The following TSGA10 variants were observed in gnomAD, a reference collection of about 807,000 sequenced individuals.
TSGA10 encodes testis specific 10.
TSGA10 carries 43 observed loss-of-function variants against 96.6 expected under a neutral mutation model. The ratio of observed to expected loss-of-function variants is 0.44; its 90% CI spans 0.35 to 0.57. The LOEUF (loss-of-function observed/expected upper bound fraction) is 0.57. Among genes scored for constraint, TSGA10 ranks in the 20% least tolerant of loss-of-function variants. The pLI, the probability that TSGA10 is intolerant of heterozygous loss-of-function variation, is 0.01. For synonymous variants in TSGA10, 229 were observed against 269.9 expected (o/e 0.85, Z 1.48); for missense variants, 703 against 834.4 (o/e 0.84, Z 1.94).
chr2:99,073,422 G>T (rs1349821848), intron 12 of TSGA10, among the ~76,000 whole-genome samples: 1 of 152,076 alleles, frequency 6.6e-6, no homozygotes, highest in Non-Finnish European at 1.5e-5. Context: ...TTGGAGTATT[G>T]GCATTTTATA....
intron 15 of TSGA10, among the ~76,000 whole-genome samples, chr2:99,066,018 A>C (rs2085228649): frequency 6.6e-6 from 1 of 152,172 alleles, no homozygotes; most frequent in Non-Finnish European, 1.5e-5. Context: ...AATTTTGGTA[A>C]TTTTTTAAAA....
chr2:99,058,764 A>G (rs10200974), intron 16 of TSGA10, among the ~76,000 whole-genome samples: 65,910 of 151,870 alleles, frequency 0.43, 16,971 homozygotes, highest in African/African-American at 0.72. Flanking sequence ...CTGGCTGGGC[A>G]TGGTGGCTCA....
chr2:99,105,758 T>G, intron 7 of TSGA10, 61 bp from the exon 8 acceptor site: 4 of 1,434,886 alleles, frequency 2.8e-6, no homozygotes, highest in Non-Finnish European at 2.8e-6. Context: ...CATAAAAAAT[T>G]TTATGTATCT....
chr2:99,053,158 T>C (rs1370804418), intron 16 of TSGA10, among the ~76,000 whole-genome samples: 1 of 152,000 alleles, frequency 6.6e-6, no homozygotes, highest in African/African-American at 2.4e-5. Context: ...GCTTCATGGG[T>C]GAATTCTACT....
rs192337982 is a variant in TSGA10 at position 99,017,375 on chromosome 2, A to G, written c.2072+825T>C. ...CATAGCAACCTGGATGGAGTTGGAG[A>G]CCATTATTCTAAGGGAAGTAACTCA... On this transcript the variant is annotated intron_variant, in intron 20 of 20. Coordinates refer to ENST00000393483, the MANE Select transcript of TSGA10 (RefSeq NM_025244.4). Among the ~76,000 whole-genome samples the G allele has an allele frequency of 1.7e-3, 266 of 152,296 alleles. 3 individuals are homozygous for G. The highest frequency in any genetic ancestry group is 0.011 in the Admixed American group (161 of 15,292).
chr2:99,130,159 G>T (rs758441582), intron 1 of TSGA10, among the ~76,000 whole-genome samples: 23 of 152,312 alleles, frequency 1.5e-4, no homozygotes, highest in Non-Finnish European at 2.9e-4. Flanking sequence ...TAATGGGATT[G>T]CTGTGTCAAA....
intron 1 of TSGA10, among the ~76,000 whole-genome samples, chr2:99,137,001 CTT>C (rs11430590): frequency 1.1e-4 from 14 of 129,246 alleles, no homozygotes; most frequent in Admixed American, 2.5e-4. Flanking sequence ...AACAGACTTC[CTT>C]TTTTTTTTTT....
chr2:99,007,091 A>G (rs1573390634), intron 20 of TSGA10, among the ~76,000 whole-genome samples: 1 of 151,390 alleles, frequency 6.6e-6, no homozygotes, highest in South Asian at 2.1e-4. Context: ...GAATTGAACA[A>G]TGAGAACATT....
intron 10 of TSGA10, chr2:99,102,817 G>C: frequency 7.8e-7 from 1 of 1,283,186 alleles, no homozygotes; most frequent in Non-Finnish European, 1.1e-6. Context: ...ACCCAGAACT[G>C]TAAATATAAA....
chr2:99,030,653 CA>C (rs2105040980), intron 17 of TSGA10, among the ~76,000 whole-genome samples: 1 of 152,074 alleles, frequency 6.6e-6, no homozygotes, highest in Non-Finnish European at 1.5e-5. Context: ...TCTCTAAAAC[CA>C]AACCAAAAGA....
intron 16 of TSGA10, 34 bp downstream of exon 16, chr2:99,064,905 A>G (rs764274053): frequency 6.6e-7 from 1 of 1,516,174 alleles, no homozygotes; most frequent in South Asian, 1.3e-5. Context: ...AATATGATGC[A>G]GGATGTATTA....
intron 1 of TSGA10, among the ~76,000 whole-genome samples, chr2:99,140,642 C>T (rs1357238157): frequency 5.3e-5 from 8 of 152,118 alleles, no homozygotes; most frequent in Admixed American, 1.3e-4. Context: ...CTGAGATTTT[C>T]ATGCAAATGC....
chr2:99,059,412 A>C (rs1412241733), intron 16 of TSGA10, among the ~76,000 whole-genome samples: 1 of 151,820 alleles, frequency 6.6e-6, no homozygotes, highest in Admixed American at 6.6e-5. Context: ...ACGTGGGCAG[A>C]TCACCTGAGG....
Position 99,109,091 on chromosome 2 carries a change from C to T in TSGA10, c.52-100G>A. 1.1e-5 allele frequency: 10 copies of T among 927,836 alleles called. No homozygotes were observed. The South Asian group carries it at 1.9e-4, about 18-fold the overall frequency. 57.5% of individuals were successfully genotyped at this position (927,836 alleles called of 1,614,324 possible). A position where few individuals can be genotyped will look rare whatever the true frequency, so the allele number is the denominator to read the frequency against. On this transcript the variant is annotated intron_variant, in intron 6 of 20. Coordinates refer to ENST00000393483, the MANE Select transcript of TSGA10 (RefSeq NM_025244.4). ...CCAATTTCTATTTAAGAAAATAAGA[C>T]TATATAATGAAAGGAAATTATAAAA... is the stretch of plus-strand genomic sequence containing the variant.
In TSGA10 at chr2:99,141,072, G is replaced by A. The variant is rs778183470; in HGVS notation, c.-621+13621C>T. The A allele has an allele frequency of 3.5e-5, 45 of 1,281,058 alleles. No homozygotes were observed. In the African/African-American group the frequency reaches 5.8e-4, roughly 17 times the overall value. The allele number at this position is 1,281,058 out of a possible 1,614,324, so 79.4% of individuals were successfully genotyped here. A position where few individuals can be genotyped will look rare whatever the true frequency, so the allele number is the denominator to read the frequency against. On this transcript the variant is annotated intron_variant, in intron 1 of 20. Transcript: ENST00000393483. Reference sequence around the variant, plus strand: ...CACTCTCCCCACCCCGCGCACCTCCGCAGCTTCTACCTGGAGCTCCGGGTC... The same window carrying A: ...CACTCTCCCCACCCCGCGCACCTCCACAGCTTCTACCTGGAGCTCCGGGTC...
chr2:99,134,979 G>A (rs931667678), intron 1 of TSGA10, among the ~76,000 whole-genome samples: 2 of 152,110 alleles, frequency 1.3e-5, no homozygotes, highest in African/African-American at 4.8e-5. Context: ...TCGTCCCAGA[G>A]GGGCACCCAC....
intron 7 of TSGA10, among the ~76,000 whole-genome samples, chr2:99,106,299 C>T (rs2091326400): frequency 6.6e-6 from 1 of 152,106 alleles, no homozygotes; most frequent in South Asian, 2.1e-4. Flanking sequence ...TCTCCAAGCC[C>T]CAAAGGAAAA....
chr2:99,009,539 T>G (rs2078820807), intron 20 of TSGA10, among the ~76,000 whole-genome samples: 1 of 120,470 alleles, frequency 8.3e-6, no homozygotes, highest in Admixed American at 1.2e-4. Context: ...ACCACTGCAC[T>G]CCAGCCTGGG....
intron 17 of TSGA10, among the ~76,000 whole-genome samples, chr2:99,022,190 G>T (rs556930359): frequency 2.6e-5 from 4 of 151,994 alleles, no homozygotes; most frequent in African/African-American, 9.6e-5. Flanking sequence ...AGCCAGGCAT[G>T]GTGACATAGG....
Sources: allele counts gnomAD v4.1 joint callset (sites outside exome capture counted in the v4.1 genomes callset), GRCh38; gene constraint gnomAD v4.1.1; transcripts MANE v1.5; gene names NCBI Gene and HGNC (gene_info 2026-07-23, HGNC 2026-07-21).